Variants in SLC2A3 observed in about 807,000 individuals in gnomAD.
The protein encoded by SLC2A3 is solute carrier family 2 member 3, also known as solute carrier family 2, facilitated glucose transporter member 3.
A neutral mutation model predicts 46.4 loss-of-function variants in SLC2A3; 21 were observed. The observed-to-expected ratio is 0.45, with a 90% CI of 0.32 to 0.65. The LOEUF (loss-of-function observed/expected upper bound fraction) is 0.65. Ranked by LOEUF, SLC2A3 falls within the 30% of genes least tolerant of loss-of-function variation. The pLI, the probability that SLC2A3 is intolerant of heterozygous loss-of-function variation, is 0.04. For synonymous variants in SLC2A3, 213 were observed against 239.4 expected (o/e 0.89, Z 1.02); for missense variants, 499 against 623.3 (o/e 0.80, Z 2.12).
intron 3 of SLC2A3, chr12:7,932,570 C>CT (rs558746683): frequency 1.2e-3 from 201 of 163,416 alleles, no homozygotes; most frequent in East Asian, 5.3e-3. Flanking sequence ...TAGAATAAGA[C>CT]TTTTTTTTTG....
intron 6 of SLC2A3, among the ~76,000 whole-genome samples, chr12:7,927,969 A>G (rs1245246860): frequency 1.3e-5 from 2 of 151,934 alleles, no homozygotes; most frequent in East Asian, 3.9e-4. Context: ...GGGCACCTGT[A>G]ATCTGGGCTG....
At chr12:7,923,623 ATTTT>A (rs397955646) in intron 8 of SLC2A3, among the ~76,000 whole-genome samples, 13 of 151,336 alleles carry the variant, frequency 8.6e-5, no homozygotes, top group Admixed American at 4.0e-4. Context: ...CAAAAAAAAA[ATTTT>A]TTTTTGTTTT....
At chr12:7,933,656 TG>T in intron 2 of SLC2A3, 153 bp downstream of exon 2, 2 of 743,716 alleles carry the variant, frequency 2.7e-6, no homozygotes, top group Non-Finnish European at 4.4e-6. Context: ...GTTTAACTCC[TG>T]GACTCAAGTG....
At chr12:7,931,542 T>C in intron 3 of SLC2A3, 57 bp from the exon 4 acceptor site, 1 of 1,604,288 alleles carries the variant, frequency 6.2e-7, no homozygotes, top group Non-Finnish European at 8.5e-7. Context: ...TCCTAACTTC[T>C]CCTCTGTCCT....
chr12:7,921,111 C>T lies in SLC2A3; in HGVS notation c.*302G>A, dbSNP rs768603991. The T allele has an allele frequency of 2.1e-3, 1,267 of 607,662 alleles. 2 individuals carry two copies. The highest frequency in any genetic ancestry group is 2.5e-3 in the Non-Finnish European group (857 of 337,424). The allele number at this position is 607,662 out of a possible 1,614,324, so 37.6% of individuals were successfully genotyped here. ...CCTATATCCCCTAGTGCGGCAATAT[C>T]AGAACCCAAGGGAGGAAAAGCTGGC... On this transcript the variant is annotated 3_prime_UTR_variant, in exon 10 of 10. Transcript: ENST00000075120.
chr12:7,922,915 A>T lies in SLC2A3; in HGVS notation c.1178T>A (p.Phe393Tyr), dbSNP rs1407273498. 1 of 1,614,058 alleles carries T rather than the reference A, an allele frequency of 6.2e-7. No homozygotes were observed. Among genetic ancestry groups the T allele is most frequent in the Non-Finnish European group, 8.5e-7 (1 of 1,180,038 alleles). The part of the protein sequence containing the change: ...PIPWFIVAEL[F>Y]SQGPRPAAMA... ...CGCAGCTGGGCGGGGGCCCTGGCTGAAGAGTTCGGCCACAATAAACCAGGG... is the reference window on the plus strand; with the variant it reads ...CGCAGCTGGGCGGGGGCCCTGGCTGTAGAGTTCGGCCACAATAAACCAGGG... Residue 393 changes from phenylalanine to tyrosine, a missense_variant, in exon 9 of 10, where the codon TTC (phenylalanine) becomes TAC (tyrosine). Around this residue, in one of 5 missense-constraint regions of SLC2A3, gnomAD observed 179 missense variants for 205.1 expected, o/e 0.87. Transcript: ENST00000075120.
chr12:7,926,768 A>C (rs1160202722), intron 6 of SLC2A3, among the ~76,000 whole-genome samples: 2 of 152,186 alleles, frequency 1.3e-5, no homozygotes, highest in Non-Finnish European at 2.9e-5. Context: ...TATCCTGCTC[A>C]TTGAATAAGC....
intron 2 of SLC2A3, chr12:7,933,540 C>T (rs1946181280): frequency 2.1e-6 from 1 of 484,160 alleles, no homozygotes; most frequent in South Asian, 2.7e-5. Flanking sequence ...ATTTTCCCCA[C>T]CAATATTGTC....
intron 3 of SLC2A3, among the ~76,000 whole-genome samples, chr12:7,931,842 T>G (rs917539250): frequency 6.6e-6 from 1 of 151,230 alleles, no homozygotes; most frequent in Non-Finnish European, 1.5e-5. Flanking sequence ...GATTTTTAAA[T>G]GTGAATTCCA....
chr12:7,933,750 C>A, intron 2 of SLC2A3, 60 bp downstream of exon 2: 2 of 1,559,164 alleles, frequency 1.3e-6, no homozygotes, highest in Non-Finnish European at 1.8e-6. Context: ...ATTCCTGAAA[C>A]CCTACTTAAA....
Position 7,922,915 on chromosome 12 carries a change from A to C in SLC2A3, c.1178T>G (p.Phe393Cys). 6.2e-7 allele frequency: 1 copy of C among 1,614,176 alleles called. No individual in the cohort carries two copies. Among genetic ancestry groups the C allele is most frequent in the Non-Finnish European group, 8.5e-7 (1 of 1,180,030 alleles). ...CGCAGCTGGGCGGGGGCCCTGGCTG[A>C]AGAGTTCGGCCACAATAAACCAGGG... ...PIPWFIVAEL[F>C]SQGPRPAAMA... The change falls in exon 9 of 10, where the codon TTC becomes TGC. Residue 393 changes from phenylalanine (F) to cysteine (C), a missense_variant. This residue lies in a region of SLC2A3 where 179 missense variants were observed against 205.1 expected (regional missense o/e 0.87). Coordinates refer to ENST00000075120, the MANE Select transcript of SLC2A3 (RefSeq NM_006931.3).
Position 7,930,586 on chromosome 12 carries a change from A to G in SLC2A3, c.567T>C (p.Gly189=), listed in dbSNP as rs1946141580. 1.2e-6 allele frequency: 2 copies of G among 1,613,936 alleles called. No individual in the cohort carries two copies. The highest frequency in any genetic ancestry group is 1.7e-6 in the Non-Finnish European group (2 of 1,179,936). ...GTAGGATAGCAGGAAGGATGGTAAA[A>G]CCCAGTAGCAGCGGCCATAGCTCTT... ...GSEELWPLLL[G]FTILPAILQS... The change falls in exon 5 of 10, where the codon GGT becomes GGC. Residue 189 remains glycine, a synonymous_variant. Coordinates refer to ENST00000075120, the MANE Select transcript of SLC2A3 (RefSeq NM_006931.3).
At position 7,925,931 on chromosome 12, in the gene SLC2A3, T is replaced by C; in HGVS notation, c.879A>G (p.Thr293=). ...SGINAVFYYS[T]GIFKDAGVQE... Reference sequence around the variant, plus strand: ...GAACACCTGCATCCTTGAAGATTCCTGTTGAGTAATAGAACACCTAGGAGA... The same window carrying C: ...GAACACCTGCATCCTTGAAGATTCCCGTTGAGTAATAGAACACCTAGGAGA... The change falls in exon 7 of 10, where the codon ACA becomes ACG. Residue 293 remains threonine (T), a synonymous_variant. Transcript: ENST00000075120. The C allele has an allele frequency of 1.2e-6, 2 of 1,613,510 alleles. No homozygotes were observed. Among genetic ancestry groups the C allele is most frequent in the Non-Finnish European group, 1.7e-6 (2 of 1,179,486 alleles).
At position 7,920,246 on chromosome 12, in the gene SLC2A3, A is replaced by G. The variant is rs1235952474; in HGVS notation, c.*1167T>C. 7 of 152,266 alleles carry G rather than the reference A, an allele frequency of 4.6e-5. No individual in the cohort carries two copies. Among genetic ancestry groups the G allele is most frequent in the African/African-American group, 1.7e-4 (7 of 41,386 alleles). The allele number at this position is 152,266 out of a possible 1,614,324, so 9.4% of individuals were successfully genotyped here. A position where few individuals can be genotyped will look rare whatever the true frequency, so the allele number is the denominator to read the frequency against. ...AAAATCAACACCTAAAATCTCCTAA[A>G]GAACAAAGTGGAAAAATAATGAATC... On this transcript the variant is annotated 3_prime_UTR_variant, in exon 10 of 10. Coordinates refer to ENST00000075120, the MANE Select transcript of SLC2A3 (RefSeq NM_006931.3).
intron 6 of SLC2A3, 194 bp downstream of exon 6, chr12:7,929,490 A>C: frequency 1.4e-6 from 1 of 719,270 alleles, no homozygotes; most frequent in Non-Finnish European, 2.1e-6. Flanking sequence ...TCAGAGACAC[A>C]GTCTCACTCT....
intron 5 of SLC2A3, 147 bp from the exon 6 acceptor site, chr12:7,930,018 T>A: frequency 1.2e-5 from 18 of 1,450,876 alleles, no homozygotes; most frequent in Non-Finnish European, 1.6e-5. Flanking sequence ...AGAGTTTCAC[T>A]TTTGTTGCCC....
rs745360588 is a variant in SLC2A3 at position 7,935,915 on chromosome 12, C to G, written c.15+105G>C. The stretch of plus-strand genomic sequence containing the variant: ...ACGAAATGAAAAGGCCTTAAGATAG[C>G]TTGGTGACTTAGGAGAAAATAGAAC... On this transcript the variant is annotated intron_variant, in intron 1 of 9. Coordinates refer to ENST00000075120, the MANE Select transcript of SLC2A3 (RefSeq NM_006931.3). 101 of 967,454 alleles carry G rather than the reference C, an allele frequency of 1.0e-4. No homozygotes were observed. The East Asian group carries it at 2.0e-3, about 19-fold the overall frequency. 59.9% of individuals were successfully genotyped at this position (967,454 alleles called of 1,614,324 possible). A position where few individuals can be genotyped will look rare whatever the true frequency, so the allele number is the denominator to read the frequency against.
At chr12:7,928,200 C>G (rs1946114587) in intron 6 of SLC2A3, among the ~76,000 whole-genome samples, 1 of 151,962 alleles carries the variant, frequency 6.6e-6, no homozygotes, top group Non-Finnish European at 1.5e-5. Flanking sequence ...GAGATCGAGA[C>G]CATCCTGGCC....
At chr12:7,925,320 A>G (rs1946083162) in intron 7 of SLC2A3, 1 of 152,746 alleles carries the variant, frequency 6.5e-6, no homozygotes, top group South Asian at 2.0e-4. Context: ...AGTCAGAAGC[A>G]CAGGTAAAAC....
Sources: gnomAD v4.1 joint callset for allele counts (sites outside exome capture counted in the v4.1 genomes callset) on GRCh38, gnomAD v4.1.1 for gene constraint, gnomAD v4.1.1 regional missense constraint, MANE v1.5 for transcripts, NCBI Gene and HGNC (gene_info 2026-07-23, HGNC 2026-07-21) for gene names.